Variants in ANPEP observed in about 807,000 individuals in gnomAD.
ANPEP encodes the protein aminopeptidase N.
In ANPEP, 70 loss-of-function variants were observed where a neutral mutation model predicts 114.6. That is an observed-to-expected ratio of 0.61 (90% CI 0.50 to 0.75). The LOEUF (loss-of-function observed/expected upper bound fraction) is 0.75, where lower values mean the gene tolerates loss of function less well. ANPEP is among the 30% of genes least tolerant of loss of function. ANPEP has a pLI of 0.00. For missense variants in ANPEP, 1,184 were observed against 1,259.5 expected (o/e 0.94, Z 0.91); for synonymous variants, 548 against 522.3 (o/e 1.05, Z -0.67).
chr15:89,790,820 C>G, intron 19 of ANPEP, 133 bp downstream of exon 19: 1 of 1,196,606 alleles, frequency 8.4e-7, no homozygotes, highest in Non-Finnish European at 1.2e-6. Flanking sequence ...TCCTGCCCCA[C>G]CCTAGCCCCC....
chr15:89,806,381 C>G lies in ANPEP; in HGVS notation c.203G>C (p.Ser68Thr), dbSNP rs1279779352. Residue 68 changes from serine (S) to threonine (T), a missense_variant, in exon 2 of 21, where the codon AGT becomes ACT. Ser to Thr is a moderately conservative substitution (Grantham distance 58, BLOSUM62 1). Transcript: ENST00000300060. This position sits in a 1 kb window ranked among gnomAD's most constrained non-coding sequence, Gnocchi z 5.7. Reference sequence around the variant, plus strand: ...GAGGCGGTAACGATTCCACGCTTTACTTTGGTCCAAGGTGGTGGCCGAGGC... The same window carrying G: ...GAGGCGGTAACGATTCCACGCTTTAGTTTGGTCCAAGGTGGTGGCCGAGGC... ...NPASATTLDQ[S>T]KAWNRYRLPN... The G allele has an allele frequency of 6.2e-7, 1 of 1,614,062 alleles. No homozygotes were observed. The highest frequency in any genetic ancestry group is 1.7e-5 in the Admixed American group (1 of 60,020).
Position 89,790,513 on chromosome 15 carries a change from T to G in ANPEP, c.2698A>C (p.Asn900His), listed in dbSNP as rs1596160426. ...DYGGGSFSFSNLIQAVTRRFS... is the reference protein window; with the variant it reads ...DYGGGSFSFSHLIQAVTRRFS... ...CGTCGTGTCACTGCCTGGATGAGGTTGGAGAAGGAGAACGAGCCACCACCA... is the reference window on the plus strand; with the variant it reads ...CGTCGTGTCACTGCCTGGATGAGGTGGGAGAAGGAGAACGAGCCACCACCA... The change falls in exon 20 of 21, where the codon AAC (asparagine) becomes CAC (histidine). Residue 900 changes from asparagine to histidine, a missense_variant. Coordinates refer to ENST00000300060, the MANE Select transcript of ANPEP (RefSeq NM_001150.3). 6.2e-7 allele frequency: 1 copy of G among 1,613,732 alleles called. No individual in the cohort carries two copies. The highest frequency in any genetic ancestry group is 8.5e-7 in the Non-Finnish European group (1 of 1,179,850).
chr15:89,785,244 G>A lies in ANPEP; in HGVS notation c.*105C>T. 7.0e-7 allele frequency: 1 copy of A among 1,436,674 alleles called. No individual in the cohort carries two copies. Among genetic ancestry groups the A allele is most frequent in the Non-Finnish European group, 9.6e-7 (1 of 1,040,838 alleles). The allele number at this position is 1,436,674 out of a possible 1,614,324, so 89.0% of individuals were successfully genotyped here. ...CTGGAGACTTTGTCCTTGAGGGGAGGACACTGGTGCCTCGGGCTCCAGGAA... is the reference window on the plus strand; with the variant it reads ...CTGGAGACTTTGTCCTTGAGGGGAGAACACTGGTGCCTCGGGCTCCAGGAA... On this transcript the variant is annotated 3_prime_UTR_variant, in exon 21 of 21. Coordinates refer to ENST00000300060, the MANE Select transcript of ANPEP (RefSeq NM_001150.3).
chr15:89,798,743 C>A (rs1199042171), intron 14 of ANPEP, among the ~76,000 whole-genome samples: 1 of 151,856 alleles, frequency 6.6e-6, no homozygotes, highest in African/African-American at 2.4e-5. Context: ...AGTGCGAGAC[C>A]AGCCTGACCA....
rs1035480924 is a variant in ANPEP at position 89,785,040 on chromosome 15, A to C, written c.*309T>G. The C allele has an allele frequency of 5.9e-6, 2 of 340,480 alleles. No homozygotes were observed. Among genetic ancestry groups the C allele is most frequent in the African/African-American group, 4.1e-5 (2 of 48,516 alleles). The allele number at this position is 340,480 out of a possible 1,614,324, so 21.1% of individuals were successfully genotyped here. On this transcript the variant is annotated 3_prime_UTR_variant, in exon 21 of 21. Coordinates refer to ENST00000300060, the MANE Select transcript of ANPEP (RefSeq NM_001150.3). Reference sequence around the variant, plus strand: ...CAGCAAGGCCGTTCATTGTCCATCGAGAGCTTCTGCTCATCTGGCCCTGGA... The same window carrying C: ...CAGCAAGGCCGTTCATTGTCCATCGCGAGCTTCTGCTCATCTGGCCCTGGA...
rs1338145376 is a variant in ANPEP at position 89,797,559 on chromosome 15, C to T, written c.2157+16G>A. Reference sequence around the variant, plus strand: ...GGGGCGAACTGGTTCTTGAACCCTACCATGCACCTCCGTACCTTCATGGGG... The same window carrying T: ...GGGGCGAACTGGTTCTTGAACCCTATCATGCACCTCCGTACCTTCATGGGG... On this transcript the variant is annotated intron_variant, in intron 15 of 20. Transcript: ENST00000300060. The T allele has an allele frequency of 3.1e-5, 49 of 1,605,696 alleles. No homozygotes were observed. The highest frequency in any genetic ancestry group is 4.1e-5 in the Non-Finnish European group (48 of 1,175,046).
rs145371968 is a variant in ANPEP, at chr15:89,792,955, G to A, written c.2249+80C>T. 8.3e-5 allele frequency: 104 copies of A among 1,246,784 alleles called. No individual in the cohort carries two copies. In the East Asian group the frequency reaches 9.7e-4, roughly 12 times the overall value. The allele number at this position is 1,246,784 out of a possible 1,614,324, so 77.2% of individuals were successfully genotyped here. On this transcript the variant is annotated intron_variant, in intron 16 of 20. Coordinates refer to ENST00000300060, the MANE Select transcript of ANPEP (RefSeq NM_001150.3). ...CTGGTGCCCCCGCATTGAGAGCTGC[G>A]GCAGAGAACACTGCCAGGATGTTGC...
intron 15 of ANPEP, among the ~76,000 whole-genome samples, chr15:89,796,496 CTTTT>C (rs1294354069): frequency 7.0e-6 from 1 of 142,830 alleles, no homozygotes; most frequent in South Asian, 2.2e-4. Flanking sequence ...TTTTTTTTTT[CTTTT>C]TTTTTGAGAT....
At chr15:89,810,809 G>A (rs375170824) in intron 1 of ANPEP, among the ~76,000 whole-genome samples, 2 of 152,164 alleles carry the variant, frequency 1.3e-5, no homozygotes, top group South Asian at 2.1e-4. Flanking sequence ...CATCTCAAAC[G>A]CTCTCCCCTG....
chr15:89,813,842 C>T (rs189375170), intron 1 of ANPEP, among the ~76,000 whole-genome samples: 7 of 152,332 alleles, frequency 4.6e-5, no homozygotes, highest in East Asian at 1.9e-4. Flanking sequence ...CACATCAGAC[C>T]TCAGGTCTGG....
chr15:89,808,889 G>T (rs560382875), intron 1 of ANPEP, among the ~76,000 whole-genome samples: 1 of 152,232 alleles, frequency 6.6e-6, no homozygotes, highest in Non-Finnish European at 1.5e-5. Context: ...GCCGCCTCTC[G>T]TCTGGTGTAT....
At chr15:89,797,920 G>T (rs1968761613) in intron 14 of ANPEP, among the ~76,000 whole-genome samples, 198 bp from the exon 15 acceptor site, 1 of 152,226 alleles carries the variant, frequency 6.6e-6, no homozygotes, top group South Asian at 2.1e-4. Context: ...CTGCTGGGTG[G>T]TGCCACAAAC....
intron 12 of ANPEP, among the ~76,000 whole-genome samples, chr15:89,800,205 T>C (rs1176828365): frequency 6.6e-6 from 1 of 152,258 alleles, no homozygotes; most frequent in Non-Finnish European, 1.5e-5. Flanking sequence ...TGGCACTTGC[T>C]ATTCCCTTTG....
In ANPEP at chr15:89,799,968, T is replaced by C. The variant is rs1416121464; in HGVS notation, c.1820-409A>G. On this transcript the variant is annotated intron_variant, in intron 12 of 20. Coordinates refer to ENST00000300060, the MANE Select transcript of ANPEP (RefSeq NM_001150.3). This position sits in a 1 kb window ranked among gnomAD's most constrained non-coding sequence, Gnocchi z 4.2. ...CCCAGACCCCCAGTGCTGCTGTCTC[T>C]TTCTGGGGCTTAGTGCCCCTTCCTC... 2.6e-5 allele frequency among the ~76,000 whole-genome samples: 4 copies of C among 152,160 alleles called. No individual in the cohort carries two copies. In the East Asian group the frequency reaches 7.7e-4, roughly 29 times the overall value.
intron 20 of ANPEP, among the ~76,000 whole-genome samples, chr15:89,789,902 CAA>C (rs945620051): frequency 1.3e-5 from 2 of 150,512 alleles, no homozygotes; most frequent in South Asian, 4.2e-4. Context: ...ACTAAAAATA[CAA>C]AAAAATTAGC....
intron 16 of ANPEP, 111 bp downstream of exon 16, chr15:89,792,924 C>T (rs1302943181): frequency 4.1e-6 from 4 of 987,012 alleles, no homozygotes; most frequent in Non-Finnish European, 3.2e-6. Flanking sequence ...GGGGGTCTCT[C>T]CCTGCCTGGT....
In ANPEP at chr15:89,785,649, C is replaced by T. The variant is rs1567152376; in HGVS notation, c.2752-148G>A. On this transcript the variant is annotated intron_variant, in intron 20 of 20. Transcript: ENST00000300060. The stretch of plus-strand genomic sequence containing the variant: ...TTCCAGGGATAGGCAGGACGTCCAC[C>T]TTGCTCCCGGGCAAAGTCCTTGTGA... 9 of 1,198,478 alleles carry T rather than the reference C, an allele frequency of 7.5e-6. No homozygotes were observed. In the East Asian group the frequency reaches 1.9e-4, roughly 26 times the overall value. The allele number at this position is 1,198,478 out of a possible 1,614,324, so 74.2% of individuals were successfully genotyped here. A position where few individuals can be genotyped will look rare whatever the true frequency, so the allele number is the denominator to read the frequency against.
At position 89,804,625 on chromosome 15, in the gene ANPEP, G is replaced by A. The variant is rs763063272; in HGVS notation, c.898-8C>T. On this transcript the variant is annotated splice_polypyrimidine_tract_variant and splice_region_variant and intron_variant, in intron 4 of 20. Transcript: ENST00000300060. ...CCGGGCCCAGATCCGGATCTGCAAG[G>A]TGTGAGGAAGAAGCAGACCAGGGGC... 1.2e-6 allele frequency: 2 copies of A among 1,612,964 alleles called. No homozygotes were observed. The highest frequency in any genetic ancestry group is 1.7e-6 in the Non-Finnish European group (2 of 1,179,494).
chr15:89,808,141 G>A (rs1199218023), intron 1 of ANPEP, among the ~76,000 whole-genome samples: 1 of 152,114 alleles, frequency 6.6e-6, no homozygotes, highest in Non-Finnish European at 1.5e-5. Context: ...CCATTTCCTG[G>A]CCTCTTCCCC....
Sources: gnomAD v4.1 joint callset for allele counts (sites outside exome capture counted in the v4.1 genomes callset) on GRCh38, gnomAD v4.1.1 for gene constraint, Gnocchi (gnomAD v3.1) non-coding constraint, MANE v1.5 for transcripts, NCBI Gene and HGNC (gene_info 2026-07-23, HGNC 2026-07-21) for gene names.